CACHD1: variants seen among roughly 807,000 people sequenced by gnomAD.
CACHD1 encodes VWFA and cache domain-containing protein 1.
A neutral mutation model predicts 138.7 loss-of-function variants in CACHD1; 71 were observed. The ratio of observed to expected loss-of-function variants is 0.51; its 90% CI spans 0.42 to 0.62. The LOEUF (loss-of-function observed/expected upper bound fraction) is 0.62, where lower values mean the gene tolerates loss of function less well. Ranked by LOEUF, CACHD1 falls within the 20% of genes least tolerant of loss-of-function variation. CACHD1 has a pLI of 0.00. For missense variants in CACHD1, 1,389 were observed against 1,625.3 expected (o/e 0.85, Z 2.50); for synonymous variants, 578 against 591.5 (o/e 0.98, Z 0.33).
chr1:64,691,165 A>AC (rs2100756296), intron 26 of CACHD1, among the ~76,000 whole-genome samples, 158 bp from the exon 27 acceptor site: 1 of 152,294 alleles, frequency 6.6e-6, no homozygotes, highest in African/African-American at 2.4e-5. Context: ...AATCTCTTTA[A>AC]AAATAAATTA....
intron 1 of CACHD1, among the ~76,000 whole-genome samples, chr1:64,485,921 C>T (rs1646239170): frequency 6.6e-6 from 1 of 152,082 alleles, no homozygotes; most frequent in Non-Finnish European, 1.5e-5. Context: ...GTATGTTAAA[C>T]TTTATAAGAA....
intron 2 of CACHD1, among the ~76,000 whole-genome samples, chr1:64,555,043 G>A (rs1279838217): frequency 6.6e-6 from 1 of 152,138 alleles, no homozygotes; most frequent in East Asian, 1.9e-4. Flanking sequence ...CAGTTTGAGT[G>A]CTTGGTGCAA....
chr1:64,510,198 A>T (rs1646408839), intron 1 of CACHD1, among the ~76,000 whole-genome samples: 1 of 152,146 alleles, frequency 6.6e-6, no homozygotes, highest in Admixed American at 6.5e-5. Flanking sequence ...CAAAAAAGGG[A>T]TGCGGAGGTA....
chr1:64,512,393 CAAA>C (rs551616431), intron 1 of CACHD1, among the ~76,000 whole-genome samples: 2 of 78,598 alleles, frequency 2.5e-5, no homozygotes, highest in Admixed American at 1.2e-4. Flanking sequence ...GACTGTGTCT[CAAA>C]AAAAAAAAAA....
At chr1:64,678,932 G>T (rs969469794) in intron 23 of CACHD1, among the ~76,000 whole-genome samples, 1 of 152,066 alleles carries the variant, frequency 6.6e-6, no homozygotes, top group African/African-American at 2.4e-5. Context: ...TTCTTAGATG[G>T]CAGTAGAGTC....
At chr1:64,640,017 T>C (rs576628735) in intron 7 of CACHD1, among the ~76,000 whole-genome samples, 2 of 152,358 alleles carry the variant, frequency 1.3e-5, no homozygotes, top group East Asian at 3.9e-4. Context: ...CTCTGTTCCT[T>C]GCCTCTCCAT....
At chr1:64,481,765 TCTTG>T (rs565937870) in intron 1 of CACHD1, among the ~76,000 whole-genome samples, 13 of 152,346 alleles carry the variant, frequency 8.5e-5, no homozygotes, top group Admixed American at 8.5e-4. Flanking sequence ...GGCCAACTTT[TCTTG>T]CTTTCTTTTA....
chr1:64,601,794 G>T (rs543521860), intron 3 of CACHD1, among the ~76,000 whole-genome samples: 126 of 152,234 alleles, frequency 8.3e-4, no homozygotes, highest in Non-Finnish European at 1.0e-3. Context: ...TTGCATTAGT[G>T]GTTCCTGAAG....
intron 2 of CACHD1, among the ~76,000 whole-genome samples, chr1:64,565,265 C>T (rs1048782638): frequency 5.9e-5 from 9 of 151,366 alleles, no homozygotes; most frequent in Non-Finnish European, 7.4e-5. Flanking sequence ...TTAGTTCACC[C>T]TCTTACCCAG....
At chr1:64,521,070 C>G (rs1165295237) in intron 1 of CACHD1, among the ~76,000 whole-genome samples, 3 of 152,228 alleles carry the variant, frequency 2.0e-5, no homozygotes, top group African/African-American at 7.2e-5. Flanking sequence ...AGGTTCTCTG[C>G]TCAGGGTCTC....
chr1:64,639,139 C>T (rs961728545), intron 7 of CACHD1, among the ~76,000 whole-genome samples: 1 of 152,130 alleles, frequency 6.6e-6, no homozygotes, highest in African/African-American at 2.4e-5. Flanking sequence ...CTAGGGTTCT[C>T]TTTTAGGTCA....
At chr1:64,581,267 C>T (rs908760842) in intron 2 of CACHD1, among the ~76,000 whole-genome samples, 15 of 152,078 alleles carry the variant, frequency 9.9e-5, no homozygotes, top group Admixed American at 2.6e-4. Flanking sequence ...TTGTGTGAGA[C>T]GCATGACCCA....
At chr1:64,478,869 G>GT (rs1215398106) in intron 1 of CACHD1, among the ~76,000 whole-genome samples, 9 of 152,014 alleles carry the variant, frequency 5.9e-5, no homozygotes, top group African/African-American at 2.2e-4. Flanking sequence ...CTGTTGCCCA[G>GT]TAGCCATGTG....
At chr1:64,487,175 A>C (rs78467739) in intron 1 of CACHD1, among the ~76,000 whole-genome samples, 2 of 152,326 alleles carry the variant, frequency 1.3e-5, no homozygotes, top group East Asian at 3.9e-4. Flanking sequence ...TTTTAGGCAC[A>C]AGAGCAAGGG....
intron 26 of CACHD1, among the ~76,000 whole-genome samples, chr1:64,687,681 G>T (rs559961370): frequency 4.6e-5 from 7 of 152,178 alleles, no homozygotes; most frequent in Admixed American, 4.6e-4. Flanking sequence ...GTGTATCCTA[G>T]AATGTCTGCA....
rs1035668265 is a variant in CACHD1, at chr1:64,597,952, G to T, written c.411-4854G>T. On this transcript the variant is annotated intron_variant, in intron 3 of 26. Coordinates refer to ENST00000651257, the MANE Select transcript of CACHD1 (RefSeq NM_020925.4). The stretch of plus-strand genomic sequence containing the variant: ...TATTTCTCACATTCTCCAAATCAGG[G>T]CGAATAGCATGTTTCTTTTTATAAG... Among the ~76,000 whole-genome samples the T allele has an allele frequency of 3.3e-5, 5 of 152,094 alleles. No homozygotes were observed. In the South Asian group the frequency reaches 1.0e-3, roughly 32 times the overall value.
intron 1 of CACHD1, among the ~76,000 whole-genome samples, chr1:64,537,780 A>G (rs1273037894): frequency 6.6e-6 from 1 of 152,188 alleles, no homozygotes; most frequent in Non-Finnish European, 1.5e-5. Context: ...AATAAGTGCT[A>G]TACTTTCATT....
chr1:64,666,623 T>C (rs2100708654), intron 16 of CACHD1, among the ~76,000 whole-genome samples: 1 of 152,116 alleles, frequency 6.6e-6, no homozygotes, highest in South Asian at 2.1e-4. Flanking sequence ...ACACTTGTAA[T>C]CCCAGCACCT....
intron 2 of CACHD1, among the ~76,000 whole-genome samples, chr1:64,551,980 T>A: frequency 6.6e-6 from 1 of 152,152 alleles, no homozygotes; most frequent in South Asian, 2.1e-4. Context: ...ATTTAAGAGA[T>A]TTTTTGTGGG....
Sources: gnomAD v4.1 joint callset for allele counts (sites outside exome capture counted in the v4.1 genomes callset) on GRCh38, gnomAD v4.1.1 for gene constraint, MANE v1.5 for transcripts, NCBI Gene and HGNC (gene_info 2026-07-23, HGNC 2026-07-21) for gene names.